Variants in TOX4 observed in about 807,000 individuals in gnomAD.
The protein encoded by TOX4 is epidermal Langerhans cell protein LCP1.
Under a neutral mutation model 61.0 loss-of-function variants are expected in TOX4, and 12 were observed. The observed-to-expected ratio is 0.20, with a 90% CI of 0.13 to 0.32. The LOEUF (loss-of-function observed/expected upper bound fraction) is 0.32. Ranked by LOEUF, TOX4 falls within the 10% of genes least tolerant of loss-of-function variation. The probability of loss-of-function intolerance (pLI) is 1.00; values close to 1 mark genes in which losing one functional copy is unlikely to be tolerated. For missense variants in TOX4, 499 were observed against 753.3 expected (o/e 0.66, Z 3.95); for synonymous variants, 268 against 274.8 (o/e 0.98, Z 0.24).
chr14:21,481,602 A>G (rs1891108120), intron 2 of TOX4, among the ~76,000 whole-genome samples: 1 of 152,226 alleles, frequency 6.6e-6, no homozygotes, highest in Admixed American at 6.5e-5. Flanking sequence ...CCACTCCATG[A>G]TATGTACACA....
rs1891453939 is a variant in TOX4 at position 21,498,195 on chromosome 14, C to G, written c.*1589C>G. ...AAGAAGAAAGCTATTGTACAAATAT[C>G]ACTCTTCAGGTTTAGCTTACAGAGC... On this transcript the variant is annotated 3_prime_UTR_variant, in exon 9 of 9. Coordinates refer to ENST00000448790, the MANE Select transcript of TOX4 (RefSeq NM_014828.4). 1.1e-6 allele frequency: 1 copy of G among 934,794 alleles called. No homozygotes were observed. Among genetic ancestry groups the G allele is most frequent in the Non-Finnish European group, 1.7e-6 (1 of 572,720 alleles). 57.9% of individuals were successfully genotyped at this position (934,794 alleles called of 1,614,324 possible).
intron 2 of TOX4, among the ~76,000 whole-genome samples, chr14:21,480,798 A>G (rs1457724528): frequency 6.6e-6 from 1 of 152,216 alleles, no homozygotes; most frequent in Non-Finnish European, 1.5e-5. Flanking sequence ...TCCAGTTTAA[A>G]AGGAAGCAAA....
intron 8 of TOX4, 39 bp from the exon 9 acceptor site, chr14:21,496,507 G>T: frequency 1.3e-6 from 2 of 1,555,980 alleles, no homozygotes; most frequent in African/African-American, 1.4e-5. Context: ...ATTTCAGTTT[G>T]TGTATAATTC....
In TOX4 at chr14:21,477,275, G is replaced by T; in HGVS notation, c.-4G>T. On this transcript the variant is annotated 5_prime_UTR_variant, in exon 1 of 9. Coordinates refer to ENST00000448790, the MANE Select transcript of TOX4 (RefSeq NM_014828.4). ...TCTGAGACGGTGGGAGCGGTTGTGT[G>T]AAGATGGAGGTAGGAACCTGATAGC... The T allele has an allele frequency of 6.2e-7, 1 of 1,613,998 alleles. No homozygotes were observed. Among genetic ancestry groups the T allele is most frequent in the African/African-American group, 1.3e-5 (1 of 75,014 alleles).
At chr14:21,479,892 A>G (rs1332531207) in intron 2 of TOX4, among the ~76,000 whole-genome samples, 1 of 152,244 alleles carries the variant, frequency 6.6e-6, no homozygotes, top group Admixed American at 6.5e-5. Context: ...TTAAAATTAA[A>G]TACAAGTAGC....
chr14:21,498,956 C>T lies in TOX4; in HGVS notation c.*2350C>T. The T allele has an allele frequency of 9.4e-7, 1 of 1,058,670 alleles. No homozygotes were observed. The highest frequency in any genetic ancestry group is 1.5e-6 in the Non-Finnish European group (1 of 680,220). The allele number at this position is 1,058,670 out of a possible 1,614,324, so 65.6% of individuals were successfully genotyped here. On this transcript the variant is annotated 3_prime_UTR_variant, in exon 9 of 9. Coordinates refer to ENST00000448790, the MANE Select transcript of TOX4 (RefSeq NM_014828.4). ...GACTAGTGTAAAACAATGTGAAGCT[C>T]TACTAAGTTCTGTCCTTAATCATAA... is the stretch of plus-strand genomic sequence containing the variant.
chr14:21,493,436 GT>G (rs554127066), intron 7 of TOX4, among the ~76,000 whole-genome samples, 179 bp downstream of exon 7: 15 of 149,154 alleles, frequency 1.0e-4, no homozygotes, highest in African/African-American at 2.5e-4. Flanking sequence ...TACTCATACT[GT>G]TTTTTTTTTG....
intron 7 of TOX4, among the ~76,000 whole-genome samples, chr14:21,495,023 A>G (rs1447860005): frequency 6.6e-6 from 1 of 152,186 alleles, no homozygotes; most frequent in African/African-American, 2.4e-5. Context: ...CCTGATGGGA[A>G]GAATCTTCCA....
At chr14:21,478,343 AAG>A (rs1274234493) in intron 2 of TOX4, among the ~76,000 whole-genome samples, 1 of 152,222 alleles carries the variant, frequency 6.6e-6, no homozygotes, top group Non-Finnish European at 1.5e-5. Context: ...GAGAATATAA[AAG>A]AGTTGAGTAG....
At position 21,498,764 on chromosome 14, in the gene TOX4, A is replaced by C. The variant is rs1464562010; in HGVS notation, c.*2158A>C. On this transcript the variant is annotated 3_prime_UTR_variant, in exon 9 of 9. Coordinates refer to ENST00000448790, the MANE Select transcript of TOX4 (RefSeq NM_014828.4). ...CCAGGGGGCAGATTCAATACATCACAGAATGGCTGAGGAAGATCCTTGGGT... is the reference window on the plus strand; with the variant it reads ...CCAGGGGGCAGATTCAATACATCACCGAATGGCTGAGGAAGATCCTTGGGT... The C allele has an allele frequency of 8.1e-6, 4 of 493,222 alleles. No individual in the cohort carries two copies. The highest frequency in any genetic ancestry group is 1.4e-5 in the Non-Finnish European group (4 of 277,006). The allele number at this position is 493,222 out of a possible 1,614,324, so 30.6% of individuals were successfully genotyped here. A position where few individuals can be genotyped will look rare whatever the true frequency, so the allele number is the denominator to read the frequency against.
chr14:21,487,426 C>A (rs376001036), intron 2 of TOX4, 25 bp from the exon 3 acceptor site: 38 of 1,608,432 alleles, frequency 2.4e-5, no homozygotes, highest in Non-Finnish European at 2.9e-5. Flanking sequence ...TTCACTAATT[C>A]TTTTCCCCCT....
chr14:21,489,110 A>G (rs1264618931), intron 4 of TOX4, 63 bp from the exon 5 acceptor site: 2 of 1,522,308 alleles, frequency 1.3e-6, no homozygotes, highest in Non-Finnish European at 1.8e-6. Flanking sequence ...ACATGTGGCT[A>G]GTTTCCAGAC....
In TOX4 at chr14:21,492,980, C is replaced by T. The variant is rs61747011; in HGVS notation, c.1364C>T (p.Pro455Leu). ...CCATTACAACAGATGCCACAGCCCC[C>T]GACTCAGCAGCAAGTTACCATTCTG... ...PPPLQQMPQP[P>L]TQQQVTILQQ... Residue 455 changes from proline (P) to leucine (L), a missense_variant, in exon 7 of 9, where the codon CCG becomes CTG. This residue lies in a region of TOX4 where 296 missense variants were observed against 404.7 expected (regional missense o/e 0.73). Transcript: ENST00000448790. The T allele has an allele frequency of 2.4e-5, 39 of 1,612,750 alleles. No individual in the cohort carries two copies. The highest frequency in any genetic ancestry group is 4.5e-5 in the East Asian group (2 of 44,882).
In TOX4 at chr14:21,498,486, T is replaced by C. The variant is rs887141181; in HGVS notation, c.*1880T>C. The C allele has an allele frequency of 1.1e-6, 1 of 911,596 alleles. No individual in the cohort carries two copies. The highest frequency in any genetic ancestry group is 1.7e-5 in the African/African-American group (1 of 60,022). The allele number at this position is 911,596 out of a possible 1,614,324, so 56.5% of individuals were successfully genotyped here. A position where few individuals can be genotyped will look rare whatever the true frequency, so the allele number is the denominator to read the frequency against. ...ATCATCATATCAAATATGCCAATTC[T>C]AAAAAGAGCTTAACATTAGAATAGT... On this transcript the variant is annotated 3_prime_UTR_variant, in exon 9 of 9. Coordinates refer to ENST00000448790, the MANE Select transcript of TOX4 (RefSeq NM_014828.4).
rs548035088 is a variant in TOX4, at chr14:21,497,343, A to G, written c.*737A>G. ...TAAAGAAAAACAGACTAGAGAAGCC[A>G]CCTGGTTGTAACAGAATAAGCAGAA... On this transcript the variant is annotated 3_prime_UTR_variant, in exon 9 of 9. Coordinates refer to ENST00000448790, the MANE Select transcript of TOX4 (RefSeq NM_014828.4). 3 of 152,280 alleles carry G rather than the reference A, an allele frequency of 2.0e-5. No individual in the cohort carries two copies. Among genetic ancestry groups the G allele is most frequent in the Non-Finnish European group, 4.4e-5 (3 of 68,030 alleles). The allele number at this position is 152,280 out of a possible 1,614,324, so 9.4% of individuals were successfully genotyped here. A position where few individuals can be genotyped will look rare whatever the true frequency, so the allele number is the denominator to read the frequency against.
intron 4 of TOX4, 99 bp from the exon 5 acceptor site, chr14:21,489,074 A>T (rs1891240877): frequency 7.4e-7 from 1 of 1,353,660 alleles, no homozygotes. Flanking sequence ...TATTTCTATG[A>T]TTTTTAGCAT....
rs996979997 is a variant in TOX4 at position 21,498,508 on chromosome 14, T to G, written c.*1902T>G. 25 of 729,876 alleles carry G rather than the reference T, an allele frequency of 3.4e-5. No homozygotes were observed. The African/African-American group carries it at 4.4e-4, about 13-fold the overall frequency. The allele number at this position is 729,876 out of a possible 1,614,324, so 45.2% of individuals were successfully genotyped here. On this transcript the variant is annotated 3_prime_UTR_variant, in exon 9 of 9. Transcript: ENST00000448790. ...TTCTAAAAAGAGCTTAACATTAGAA[T>G]AGTATATGGTAGAATTACTAGTTCA... is the stretch of plus-strand genomic sequence containing the variant.
Position 21,477,216 on chromosome 14 carries a change from C to A in TOX4, c.-63C>A. On this transcript the variant is annotated 5_prime_UTR_variant, in exon 1 of 9. Coordinates refer to ENST00000448790, the MANE Select transcript of TOX4 (RefSeq NM_014828.4). ...CGTCCTTGCGGAAGTGACGGCAGTT[C>A]CGAGTCCAGTGGGGGCGGTGGGAGC... 3.1e-6 allele frequency: 5 copies of A among 1,613,952 alleles called. No individual in the cohort carries two copies. The highest frequency in any genetic ancestry group is 1.7e-4 in the Middle Eastern group (1 of 6,060).
At chr14:21,480,302 T>C (rs1891086256) in intron 2 of TOX4, among the ~76,000 whole-genome samples, 1 of 152,226 alleles carries the variant, frequency 6.6e-6, no homozygotes, top group Non-Finnish European at 1.5e-5. Flanking sequence ...AAATCTTATT[T>C]TATTTTGCCA....
Sources: gnomAD v4.1 joint callset for allele counts (sites outside exome capture counted in the v4.1 genomes callset) on GRCh38, gnomAD v4.1.1 for gene constraint, gnomAD v4.1.1 regional missense constraint, MANE v1.5 for transcripts, NCBI Gene and HGNC (gene_info 2026-07-23, HGNC 2026-07-21) for gene names.